The following DOC2B variants were observed in gnomAD, a reference collection of about 807,000 sequenced individuals.
The protein encoded by DOC2B is double C2 domain beta, also known as double C2-like domain-containing protein beta.
In DOC2B, 21 loss-of-function variants were observed where a neutral mutation model predicts 28.9. The ratio of observed to expected loss-of-function variants is 0.73; its 90% CI spans 0.52 to 1.05. The LOEUF (loss-of-function observed/expected upper bound fraction) is 1.05, where lower values mean the gene tolerates loss of function less well. DOC2B is among the 50% of genes least tolerant of loss of function. The pLI is 0.00. For missense variants in DOC2B, 384 were observed against 421.1 expected, an observed-to-expected ratio of 0.91 and a Z score of 0.77; for synonymous variants, 194 against 178.1, an observed-to-expected ratio of 1.09 and a Z score of -0.71.
intron 6 of DOC2B, 144 bp from the exon 7 acceptor site, chr17:149,336 G>A (rs1339872063): frequency 2.5e-6 from 1 of 397,182 alleles, no homozygotes; most frequent in Non-Finnish European, 4.4e-6. Context: ...TTTTCCCAAC[G>A]CTATTTTGTG....
intron 6 of DOC2B, among the ~76,000 whole-genome samples, chr17:155,112 C>G (rs1056070057): frequency 2.0e-5 from 3 of 152,088 alleles, no homozygotes; most frequent in Admixed American, 2.0e-4. Context: ...TCAAGCAATC[C>G]TCTCAAGTAG....
chr17:151,194 C>T (rs548643565), intron 6 of DOC2B, among the ~76,000 whole-genome samples: 1 of 152,174 alleles, frequency 6.6e-6, no homozygotes, highest in Non-Finnish European at 1.5e-5. Flanking sequence ...TGCTTGAGCC[C>T]AGGAGTTCAA....
chr17:157,152 G>A (rs528851413), intron 5 of DOC2B, among the ~76,000 whole-genome samples: 3 of 152,276 alleles, frequency 2.0e-5, no homozygotes, highest in Admixed American at 6.5e-5. Flanking sequence ...CGGCTTCCGC[G>A]GACGGTCTTC....
chr17:161,584 G>A (rs372580014), intron 4 of DOC2B, 43 bp from the exon 5 acceptor site: 43 of 1,550,476 alleles, frequency 2.8e-5, no homozygotes, highest in Middle Eastern at 3.3e-4. Flanking sequence ...TGCCTCAGAC[G>A]CACTGGGCAT....
At chr17:158,683 TTG>T (rs2040163826) in intron 5 of DOC2B, among the ~76,000 whole-genome samples, 1 of 152,198 alleles carries the variant, frequency 6.6e-6, no homozygotes, top group South Asian at 2.1e-4. Context: ...AGGCAGAGCT[TTG>T]TGTGTGAGGG....
intron 3 of DOC2B, 48 bp downstream of exon 3, chr17:164,082 G>C (rs1555523605): frequency 7.0e-7 from 1 of 1,432,478 alleles, no homozygotes; most frequent in Non-Finnish European, 9.6e-7. Flanking sequence ...ATTGCCTGAG[G>C]TGGTGGGCGG....
At chr17:158,819 C>T (rs917939472) in intron 5 of DOC2B, among the ~76,000 whole-genome samples, 9 of 150,926 alleles carry the variant, frequency 6.0e-5, no homozygotes, top group Non-Finnish European at 8.9e-5. Context: ...CCAAGGCGGG[C>T]AGATCACCTG....
Position 147,395 on chromosome 17 carries a change from CG to C in DOC2B, c.*45del. ...GCTGCTGGGGAAGCCCGGGGCCGGC[CG>C]TGCTGGGCGCAGGTGGCGGCAGGGG... On this transcript the variant is annotated 3_prime_UTR_variant, in exon 9 of 9. Transcript: ENST00000613549. The C allele has an allele frequency of 2.5e-6, 1 of 398,734 alleles. No individual in the cohort carries two copies. The highest frequency in any genetic ancestry group is 4.4e-6 in the Non-Finnish European group (1 of 226,168). The allele number at this position is 398,734 out of a possible 1,614,324, so 24.7% of individuals were successfully genotyped here.
intron 5 of DOC2B, among the ~76,000 whole-genome samples, chr17:158,185 C>G (rs1436392981): frequency 6.6e-6 from 1 of 152,166 alleles, no homozygotes; most frequent in African/African-American, 2.4e-5. Flanking sequence ...GATGCTTCTC[C>G]ATTCCTTGCC....
chr17:164,707 G>A (rs952413572), intron 2 of DOC2B, among the ~76,000 whole-genome samples: 2 of 152,150 alleles, frequency 1.3e-5, no homozygotes, highest in Non-Finnish European at 2.9e-5. Flanking sequence ...TGGCCACAGA[G>A]GGTCCCTCCA....
intron 1 of DOC2B, among the ~76,000 whole-genome samples, chr17:175,474 G>A (rs543988320): frequency 3.9e-5 from 6 of 152,362 alleles, no homozygotes; most frequent in South Asian, 2.1e-4. Context: ...ATTCTCTGAA[G>A]CTGTTGGCTT....
chr17:178,277 A>C lies in DOC2B; in HGVS notation c.373+2830T>G, dbSNP rs868810633. Among the ~76,000 whole-genome samples, 27 of 152,318 alleles carry C rather than the reference A, an allele frequency of 1.8e-4. 1 individual carries two copies. The highest frequency in any genetic ancestry group is 3.4e-3 in the Middle Eastern group (1 of 294). ...CAAGGAAAAACGCACAGCCACGAGC[A>C]AAGATGGACAGAACCATCACCCCAA... On this transcript the variant is annotated intron_variant, in intron 1 of 8. Transcript: ENST00000613549.
At chr17:153,924 C>G (rs1001859047) in intron 6 of DOC2B, among the ~76,000 whole-genome samples, 1 of 152,150 alleles carries the variant, frequency 6.6e-6, no homozygotes, top group African/African-American at 2.4e-5. Context: ...GTACCACATT[C>G]TACACACTGC....
At chr17:151,648 G>C (rs954198273) in intron 6 of DOC2B, among the ~76,000 whole-genome samples, 2 of 152,178 alleles carry the variant, frequency 1.3e-5, no homozygotes, top group East Asian at 1.9e-4. Context: ...CATTTCTCTA[G>C]GTATTGGTAT....
chr17:164,350 TGGAG>T (rs1441253949), intron 2 of DOC2B, 146 bp from the exon 3 acceptor site: 1 of 637,092 alleles, frequency 1.6e-6, no homozygotes. Context: ...CACCTCCAGA[TGGAG>T]GGAGTGAGGA....
intron 5 of DOC2B, among the ~76,000 whole-genome samples, chr17:159,978 CTT>C (rs112120859): frequency 2.0e-4 from 27 of 135,176 alleles, no homozygotes; most frequent in Admixed American, 3.0e-4. Context: ...GCTGGTGTTG[CTT>C]TTTTTTTTTT....
rs1236006365 is a variant in DOC2B, at chr17:147,353, G to A, written c.*88C>T. ...GGTTCTGGATCTCCCCCAGTGTGGGGGCCACAGGCCTTGGTGGCTGCTGGG... is the reference window on the plus strand; with the variant it reads ...GGTTCTGGATCTCCCCCAGTGTGGGAGCCACAGGCCTTGGTGGCTGCTGGG... On this transcript the variant is annotated 3_prime_UTR_variant, in exon 9 of 9. Coordinates refer to ENST00000613549, the MANE Select transcript of DOC2B (RefSeq NM_003585.5). The A allele has an allele frequency of 7.5e-6, 3 of 398,270 alleles. No individual in the cohort carries two copies. In the South Asian group the frequency reaches 3.8e-4, roughly 51 times the overall value. 24.7% of individuals were successfully genotyped at this position (398,270 alleles called of 1,614,324 possible). A position where few individuals can be genotyped will look rare whatever the true frequency, so the allele number is the denominator to read the frequency against.
chr17:165,768 C>A (rs758189726), intron 2 of DOC2B, among the ~76,000 whole-genome samples: 1 of 152,232 alleles, frequency 6.6e-6, no homozygotes, highest in South Asian at 2.1e-4. Context: ...AACTCCCTCA[C>A]CCTGCCTTGC....
chr17:170,012 G>A (rs2040293672), intron 2 of DOC2B, among the ~76,000 whole-genome samples: 1 of 152,218 alleles, frequency 6.6e-6, no homozygotes, highest in Non-Finnish European at 1.5e-5. Context: ...AAACGCACCT[G>A]GAGCTGGGAA....
Sources: gnomAD v4.1 joint callset for allele counts (sites outside exome capture counted in the v4.1 genomes callset) on GRCh38, gnomAD v4.1.1 for gene constraint, MANE v1.5 for transcripts, NCBI Gene and HGNC (gene_info 2026-07-23, HGNC 2026-07-21) for gene names.